The following GATAD2A variants were observed in gnomAD, a reference collection of about 807,000 sequenced individuals.
GATAD2A encodes transcriptional repressor p66-alpha.
A neutral mutation model predicts 68.5 loss-of-function variants in GATAD2A; 12 were observed. That is an observed-to-expected ratio of 0.18 (90% confidence interval 0.11 to 0.28). The LOEUF (loss-of-function observed/expected upper bound fraction) is 0.28. GATAD2A is among the 10% of genes least tolerant of loss of function. The probability of loss-of-function intolerance (pLI) is 1.00; values close to 1 mark genes in which losing one functional copy is unlikely to be tolerated. For synonymous variants in GATAD2A, 410 were observed against 375.3 expected, an observed-to-expected ratio of 1.09 and a Z score of -1.07; for missense variants, 755 against 868.5, an observed-to-expected ratio of 0.87 and a Z score of 1.64.
chr19:19,493,108 T>C (rs928485218), intron 4 of GATAD2A, among the ~76,000 whole-genome samples: 8 of 152,096 alleles, frequency 5.3e-5, no homozygotes, highest in African/African-American at 1.9e-4. Flanking sequence ...ACCCAGCTAA[T>C]TTTTGTGTTT....
chr19:19,498,493 C>G lies in GATAD2A; in HGVS notation c.975C>G (p.Asn325Lys). 6.2e-7 allele frequency: 1 copy of G among 1,613,792 alleles called. No homozygotes were observed. The highest frequency in any genetic ancestry group is 8.5e-7 in the Non-Finnish European group (1 of 1,179,758). The change falls in exon 8 of 12, where the codon AAC becomes AAG. Residue 325 changes from asparagine to lysine, a missense_variant. Coordinates refer to ENST00000683918, the MANE Select transcript of GATAD2A (RefSeq NM_001384528.1). ...CAACAGCCACCTCCGCTCAGGCCAA[C>G]TCCACCCCCACTAGTGTGGCCTCTG... The part of the protein sequence containing the change: ...KGTTATSAQA[N>K]STPTSVASVV...
intron 1 of GATAD2A, among the ~76,000 whole-genome samples, chr19:19,413,154 G>T (rs960870380): frequency 6.6e-6 from 1 of 152,204 alleles, no homozygotes; most frequent in African/African-American, 2.4e-5. Context: ...TCAAGTTGGT[G>T]GAATTTGGTG....
At chr19:19,492,549 C>T in intron 3 of GATAD2A, 32 bp from the exon 4 acceptor site, 1 of 1,613,100 alleles carries the variant, frequency 6.2e-7, no homozygotes, top group Non-Finnish European at 8.5e-7. Flanking sequence ...CAAGGACGCT[C>T]CCTCTCAACC....
Position 19,501,383 on chromosome 19 carries a change from G to C in GATAD2A, c.1470G>C (p.Glu490Asp). 6.2e-7 allele frequency: 1 copy of C among 1,605,732 alleles called. No individual in the cohort carries two copies. Among genetic ancestry groups the C allele is most frequent in the Non-Finnish European group, 8.5e-7 (1 of 1,176,942 alleles). Residue 490 changes from glutamate to aspartate, a missense_variant, in exon 9 of 12, where the codon GAG becomes GAC. Transcript: ENST00000683918. ...QGTAPAQAKAEPTAAPHPVLK... is the reference protein window; with the variant it reads ...QGTAPAQAKADPTAAPHPVLK... The stretch of plus-strand genomic sequence containing the variant: ...CGGCCCCTGCACAGGCCAAGGCCGA[G>C]CCCACCGCTGCCCCACACCCCGTGC...
chr19:19,461,723 C>T (rs1011097922), intron 1 of GATAD2A, among the ~76,000 whole-genome samples: 9 of 152,214 alleles, frequency 5.9e-5, no homozygotes, highest in Non-Finnish European at 1.0e-4. Flanking sequence ...CAGAGGAGAC[C>T]GATGCCCACT....
intron 1 of GATAD2A, among the ~76,000 whole-genome samples, chr19:19,391,325 C>A (rs1477492227): frequency 6.6e-6 from 1 of 152,204 alleles, no homozygotes; most frequent in African/African-American, 2.4e-5. Context: ...TACCCTCTCT[C>A]TTCCTCCTTC....
chr19:19,497,487 A>C (rs900723900), intron 7 of GATAD2A, among the ~76,000 whole-genome samples: 1 of 152,094 alleles, frequency 6.6e-6, no homozygotes, highest in African/African-American at 2.4e-5. Context: ...GTCTGCTCCT[A>C]GCGTGGCTGG....
rs572445788 is a variant in GATAD2A, at chr19:19,415,951, C to T, written c.-7+9932C>T. ...TTTAAGAGCATAAAACTACTTTTCCCTGTATGGTTTTTTTTCCCCCCCAAG... is the reference window on the plus strand; with the variant it reads ...TTTAAGAGCATAAAACTACTTTTCCTTGTATGGTTTTTTTTCCCCCCCAAG... On this transcript the variant is annotated intron_variant, in intron 1 of 11. Transcript: ENST00000683918. Among the ~76,000 whole-genome samples, 34 of 116,844 alleles carry T rather than the reference C, an allele frequency of 2.9e-4. 1 individual carries two copies. Among genetic ancestry groups the T allele is most frequent in the African/African-American group, 1.7e-3 (31 of 18,394 alleles). The allele number at this position is 116,844 out of a possible 152,430, so 76.7% of individuals were successfully genotyped here. A position where few individuals can be genotyped will look rare whatever the true frequency, so the allele number is the denominator to read the frequency against.
chr19:19,401,019 C>T (rs573597127), upstream of GATAD2A, among the ~76,000 whole-genome samples: 1 of 151,488 alleles, frequency 6.6e-6, no homozygotes, highest in African/African-American at 2.4e-5. Context: ...ACGCACCTGT[C>T]GTGTCAGCTA....
chr19:19,461,196 C>T (rs563412586), intron 1 of GATAD2A, among the ~76,000 whole-genome samples: 2 of 152,354 alleles, frequency 1.3e-5, no homozygotes, highest in South Asian at 2.1e-4. Flanking sequence ...AACCCACTTA[C>T]TGCGAAGCCT....
At chr19:19,441,168 G>A (rs2055028920) in intron 1 of GATAD2A, among the ~76,000 whole-genome samples, 2 of 151,520 alleles carry the variant, frequency 1.3e-5, no homozygotes, top group African/African-American at 2.4e-5. Flanking sequence ...TCAGCCTCCC[G>A]AGTAGTTGGG....
At chr19:19,497,139 T>G (rs986565810) in intron 7 of GATAD2A, among the ~76,000 whole-genome samples, 3 of 152,224 alleles carry the variant, frequency 2.0e-5, no homozygotes, top group Non-Finnish European at 4.4e-5. Flanking sequence ...TCTCCCTCTG[T>G]TACCCAGGCT....
At chr19:19,499,785 G>A (rs1405023895) in intron 8 of GATAD2A, among the ~76,000 whole-genome samples, 1 of 152,008 alleles carries the variant, frequency 6.6e-6, no homozygotes, top group Non-Finnish European at 1.5e-5. Flanking sequence ...TTGCCCCTCA[G>A]TCGCTCTCGT....
At position 19,506,321 on chromosome 19, in the gene GATAD2A, A is replaced by G. The variant is rs1226330234; in HGVS notation, c.*847A>G. On this transcript the variant is annotated 3_prime_UTR_variant, in exon 12 of 12. Coordinates refer to ENST00000683918, the MANE Select transcript of GATAD2A (RefSeq NM_001384528.1). ...CTGCCCATTAAGGGAGAAGGAGAGGATCCGGTCGGCAGCAGCCCTGAGCAG... is the reference window on the plus strand; with the variant it reads ...CTGCCCATTAAGGGAGAAGGAGAGGGTCCGGTCGGCAGCAGCCCTGAGCAG... The G allele has an allele frequency of 2.5e-6, 1 of 397,674 alleles. No individual in the cohort carries two copies. Among genetic ancestry groups the G allele is most frequent in the African/African-American group, 2.1e-5 (1 of 48,620 alleles). The allele number at this position is 397,674 out of a possible 1,614,324, so 24.6% of individuals were successfully genotyped here.
chr19:19,487,426 C>T (rs1303346395), intron 2 of GATAD2A, among the ~76,000 whole-genome samples: 1 of 135,974 alleles, frequency 7.4e-6, no homozygotes, highest in African/African-American at 2.8e-5. Context: ...GAGGGCTCAT[C>T]TTCATAGGGG....
At chr19:19,483,228 ACTCT>A (rs1018733580) in intron 2 of GATAD2A, among the ~76,000 whole-genome samples, 1 of 151,792 alleles carries the variant, frequency 6.6e-6, no homozygotes, top group South Asian at 2.1e-4. Context: ...AGCCACACAG[ACTCT>A]CTCTCTTTTT....
At chr19:19,414,685 C>T (rs1474765775) in intron 1 of GATAD2A, among the ~76,000 whole-genome samples, 2 of 149,732 alleles carry the variant, frequency 1.3e-5, no homozygotes, top group Admixed American at 6.6e-5. Flanking sequence ...TACAGGCGCA[C>T]GCCACCACGC....
intron 9 of GATAD2A, 78 bp from the exon 10 acceptor site, chr19:19,501,891 C>T: frequency 9.0e-7 from 1 of 1,113,912 alleles, no homozygotes; most frequent in Non-Finnish European, 1.4e-6. Flanking sequence ...ACGGGCCTGT[C>T]CTGTGGGGCT....
At chr19:19,505,040 G>C (rs1363502252) in intron 11 of GATAD2A, among the ~76,000 whole-genome samples, 1 of 152,182 alleles carries the variant, frequency 6.6e-6, no homozygotes, top group Non-Finnish European at 1.5e-5. Flanking sequence ...GCAGCACCGT[G>C]GTCAGCACCT....
Sources: allele counts gnomAD v4.1 joint callset (sites outside exome capture counted in the v4.1 genomes callset), GRCh38; gene constraint gnomAD v4.1.1; transcripts MANE v1.5; gene names NCBI Gene and HGNC (gene_info 2026-07-23, HGNC 2026-07-21).